WFS1: variants seen among roughly 807,000 people sequenced by gnomAD.
The protein encoded by WFS1 is wolframin ER transmembrane glycoprotein, also known as wolframin.
Under a neutral mutation model 68.5 loss-of-function variants are expected in WFS1, and 90 were observed. That is an observed-to-expected ratio of 1.31 (90% CI 1.11 to 1.56). WFS1 has a LOEUF of 1.56. Among genes scored for constraint, WFS1 ranks in the 40% most tolerant of loss-of-function variants. The pLI, the probability that WFS1 is intolerant of heterozygous loss-of-function variation, is 0.00. For missense variants in WFS1, 1,767 were observed against 1,232.6 expected, an observed-to-expected ratio of 1.43 and a Z score of -6.49; for synonymous variants, 860 against 540.7, an observed-to-expected ratio of 1.59 and a Z score of -8.19.
chr4:6,299,568 TGC>T (rs1730775225), intron 7 of WFS1, among the ~76,000 whole-genome samples: 1 of 58,540 alleles, frequency 1.7e-5, no homozygotes, highest in Admixed American at 2.1e-4. Context: ...AGGGGTGGGT[TGC>T]GTGTGTGTGA....
chr4:6,276,001 C>G (rs998323196), intron 1 of WFS1, among the ~76,000 whole-genome samples: 1 of 152,204 alleles, frequency 6.6e-6, no homozygotes. Context: ...GTGGGCTGCT[C>G]AGGACCACAC....
At position 6,302,396 on chromosome 4, in the gene WFS1, G is replaced by C. The variant is rs2109127911; in HGVS notation, c.2601G>C (p.Trp867Cys). 6.2e-7 allele frequency: 1 copy of C among 1,613,116 alleles called. No homozygotes were observed. The highest frequency in any genetic ancestry group is 8.5e-7 in the Non-Finnish European group (1 of 1,179,984). Residue 867 changes from tryptophan (W) to cysteine (C), a missense_variant, in exon 8 of 8, where the codon TGG becomes TGC. Trp to Cys is a radical substitution (Grantham distance 215). Transcript: ENST00000226760. ...GGCACGTGAAGATCGAGCACGACTG[G>C]CGCAGCACCGTGCATGGCGCCGTGA... ...TRRHVKIEHD[W>C]RSTVHGAVKF...
chr4:6,301,824 G>A lies in WFS1; in HGVS notation c.2029G>A (p.Ala677Thr), dbSNP rs757027394. ...QQYGALCGPRAWKETNMARTQ... is the reference protein window; with the variant it reads ...QQYGALCGPRTWKETNMARTQ... ...GTATGGTGCGCTGTGCGGGCCACGC[G>A]CCTGGAAGGAGACCAACATGGCGCG... The change falls in exon 8 of 8, where the codon GCC becomes ACC. Residue 677 changes from alanine (A) to threonine (T), a missense_variant. Coordinates refer to ENST00000226760, the MANE Select transcript of WFS1 (RefSeq NM_006005.3). 5.8e-5 allele frequency: 93 copies of A among 1,613,032 alleles called. No individual in the cohort carries two copies. The highest frequency in any genetic ancestry group is 1.1e-4 in the East Asian group (5 of 44,886).
rs748404777 is a variant in WFS1, at chr4:6,302,344, G to A, written c.2549G>A (p.Cys850Tyr). The A allele has an allele frequency of 2.5e-6, 4 of 1,612,660 alleles. No individual in the cohort carries two copies. Among genetic ancestry groups the A allele is most frequent in the South Asian group, 1.1e-5 (1 of 91,090 alleles). ...CTCAAGGCCATCAGCTGCCTCAACT[G>A]CATGGCCCAGCTCTCACCCACCAGG... ...FELKAISCLN[C>Y]MAQLSPTRRH... The change falls in exon 8 of 8, where the codon TGC (cysteine) becomes TAC (tyrosine). Residue 850 changes from cysteine (C) to tyrosine (Y), a missense_variant. Coordinates refer to ENST00000226760, the MANE Select transcript of WFS1 (RefSeq NM_006005.3).
rs775922395 is a variant in WFS1 at position 6,301,120 on chromosome 4, C to T, written c.1325C>T (p.Thr442Ile). The T allele has an allele frequency of 2.5e-6, 4 of 1,613,674 alleles. No individual in the cohort carries two copies. Among genetic ancestry groups the T allele is most frequent in the African/African-American group, 2.7e-5 (2 of 75,058 alleles). Residue 442 changes from threonine to isoleucine, a missense_variant, in exon 8 of 8, where the codon ACC (threonine) becomes ATC (isoleucine). Transcript: ENST00000226760. ...LAVITGFFTV[T>I]SYLSLSTHAE... ...GTCATCACCGGCTTCTTTACCGTGA[C>T]CAGCTACCTGAGCCTGAGCACCCAT...
At chr4:6,277,917 C>T (rs112519557) in intron 2 of WFS1, among the ~76,000 whole-genome samples, 17 of 152,384 alleles carry the variant, frequency 1.1e-4, no homozygotes, top group East Asian at 1.9e-4. Flanking sequence ...GCCCCCACTC[C>T]TCTGCAGTCC....
chr4:6,275,078 C>A (rs62283057), intron 1 of WFS1, among the ~76,000 whole-genome samples: 1 of 151,984 alleles, frequency 6.6e-6, no homozygotes, highest in Non-Finnish European at 1.5e-5. Flanking sequence ...GAGGAACTCA[C>A]GACAATAGGA....
intron 5 of WFS1, among the ~76,000 whole-genome samples, chr4:6,291,662 C>G (rs1351336585): frequency 3.3e-5 from 5 of 152,220 alleles, no homozygotes; most frequent in Non-Finnish European, 1.5e-5. Flanking sequence ...TGCTCTGTGA[C>G]CACGTCTACC....
intron 1 of WFS1, among the ~76,000 whole-genome samples, chr4:6,272,136 C>T (rs923146821): frequency 2.0e-5 from 3 of 152,328 alleles, no homozygotes; most frequent in South Asian, 4.1e-4. Flanking sequence ...CCTTCTGTGC[C>T]GTCTTTGTGG....
chr4:6,272,541 C>G (rs1729870603), intron 1 of WFS1, among the ~76,000 whole-genome samples: 1 of 152,156 alleles, frequency 6.6e-6, no homozygotes, highest in South Asian at 2.1e-4. Context: ...TCAGGCCAGG[C>G]CAGAGCAGAC....
intron 2 of WFS1, among the ~76,000 whole-genome samples, chr4:6,281,178 G>A (rs573683707): frequency 1.6e-4 from 24 of 152,282 alleles, no homozygotes; most frequent in African/African-American, 5.1e-4. Context: ...ACCCCACCAG[G>A]AAGCACCCAC....
rs548415089 is a variant in WFS1, at chr4:6,302,186, C to T, written c.2391C>T (p.Asp797=). The T allele has an allele frequency of 1.5e-4, 244 of 1,612,432 alleles. 3 individuals are homozygous for T. In the South Asian group the frequency reaches 2.2e-3, roughly 15 times the overall value. The change falls in exon 8 of 8, where the codon GAC becomes GAT. Residue 797 remains aspartate (D), a synonymous_variant. Coordinates refer to ENST00000226760, the MANE Select transcript of WFS1 (RefSeq NM_006005.3). Reference sequence around the variant, plus strand: ...GCTCGCGCAGCCGCGAGGAGGACGACGTCACCAAGGACATCGTGCTGCGGG... The same window carrying T: ...GCTCGCGCAGCCGCGAGGAGGACGATGTCACCAAGGACATCGTGCTGCGGG... ...ADGSRSREED[D]VTKDIVLRAS... is the part of the protein sequence containing the mutation.
At chr4:6,296,754 G>A (rs1194068042) in intron 7 of WFS1, among the ~76,000 whole-genome samples, 1 of 152,242 alleles carries the variant, frequency 6.6e-6, no homozygotes, top group African/African-American at 2.4e-5. Context: ...TTGCATATGC[G>A]TCCTGTTCGG....
chr4:6,287,026 C>A lies in WFS1; in HGVS notation c.233-67C>A. On this transcript the variant is annotated intron_variant, in intron 2 of 7. Transcript: ENST00000226760. This position sits in a 1 kb window ranked among gnomAD's most constrained non-coding sequence, Gnocchi z 6.4. Reference sequence around the variant, plus strand: ...GATCTGAAGACCCTCATGCCTTGTCCCCTCCATCCTGACAAGTGACAAAGT... The same window carrying A: ...GATCTGAAGACCCTCATGCCTTGTCACCTCCATCCTGACAAGTGACAAAGT... The A allele has an allele frequency of 7.1e-7, 1 of 1,398,700 alleles. No individual in the cohort carries two copies. Among genetic ancestry groups the A allele is most frequent in the Admixed American group, 2.0e-5 (1 of 50,772 alleles). 86.6% of individuals were successfully genotyped at this position (1,398,700 alleles called of 1,614,324 possible).
chr4:6,283,885 G>T lies in WFS1; in HGVS notation c.233-3208G>T, dbSNP rs539287570. ...ACACAGAAAACACGTGTGTTTGATGGTTCTTGGTGGTCCACACTGATGCAG... is the reference window on the plus strand; with the variant it reads ...ACACAGAAAACACGTGTGTTTGATGTTTCTTGGTGGTCCACACTGATGCAG... On this transcript the variant is annotated intron_variant, in intron 2 of 7. Coordinates refer to ENST00000226760, the MANE Select transcript of WFS1 (RefSeq NM_006005.3). This position sits in a 1 kb window ranked among gnomAD's most constrained non-coding sequence, Gnocchi z 5.0. Among the ~76,000 whole-genome samples the T allele has an allele frequency of 2.6e-5, 4 of 152,262 alleles. No homozygotes were observed. In the South Asian group the frequency reaches 8.3e-4, roughly 32 times the overall value.
rs143547567 is a variant in WFS1 at position 6,300,853 on chromosome 4, C to G, written c.1058C>G (p.Ser353Cys). Residue 353 changes from serine (S) to cysteine (C), a missense_variant, in exon 8 of 8, where the codon TCC (serine) becomes TGC (cysteine). Transcript: ENST00000226760. ...FFIPLVIFYLSFISMVICTLK... is the reference protein window; with the variant it reads ...FFIPLVIFYLCFISMVICTLK... ...ATCCCGCTGGTCATCTTCTACCTGT[C>G]CTTCATCTCCATGGTGATCTGCACC... 3.7e-6 allele frequency: 6 copies of G among 1,614,110 alleles called. No homozygotes were observed. The highest frequency in any genetic ancestry group is 5.1e-6 in the Non-Finnish European group (6 of 1,180,020).
intron 1 of WFS1, among the ~76,000 whole-genome samples, chr4:6,274,374 G>C (rs1268810170): frequency 6.6e-6 from 1 of 151,956 alleles, no homozygotes; most frequent in African/African-American, 2.4e-5. Context: ...ATGCCCAATA[G>C]TTTGCTTTCT....
Position 6,301,456 on chromosome 4 carries a change from TGGG to T in WFS1, c.1663_1665del (p.Gly555del). 1.9e-6 allele frequency: 3 copies of T among 1,612,688 alleles called. No homozygotes were observed. Among genetic ancestry groups the T allele is most frequent in the Non-Finnish European group, 2.5e-6 (3 of 1,180,034 alleles). On this transcript the variant is annotated inframe_deletion, in exon 8 of 8. Coordinates refer to ENST00000226760, the MANE Select transcript of WFS1 (RefSeq NM_006005.3). ...GTCATCCTGCTGGAGTCCACCGGCC[TGGG>T]GCTGCTCCGCGCCTCCATCGGCTAC...
At chr4:6,276,066 C>T (rs889365704) in intron 1 of WFS1, among the ~76,000 whole-genome samples, 1 of 152,176 alleles carries the variant, frequency 6.6e-6, no homozygotes, top group Non-Finnish European at 1.5e-5. Context: ...GGGCTGGGAG[C>T]GAGACTCTCT....
Sources: gnomAD v4.1 joint callset for allele counts (sites outside exome capture counted in the v4.1 genomes callset) on GRCh38, gnomAD v4.1.1 for gene constraint, Gnocchi (gnomAD v3.1) non-coding constraint, MANE v1.5 for transcripts, NCBI Gene and HGNC (gene_info 2026-07-23, HGNC 2026-07-21) for gene names.